Variants in IQSEC3 observed in about 807,000 individuals in gnomAD.
IQSEC3 encodes IQ motif and Sec7 domain ArfGEF 3, also known as IQ motif and SEC7 domain-containing protein 3.
IQSEC3 carries 50 observed loss-of-function variants against 105.4 expected under a neutral mutation model. The observed-to-expected ratio is 0.47, with a 90% CI of 0.38 to 0.60. The LOEUF is 0.60. IQSEC3 is among the 20% of genes least tolerant of loss of function. The pLI, the probability that IQSEC3 is intolerant of heterozygous loss-of-function variation, is 0.00. For synonymous variants in IQSEC3, 708 were observed against 746.0 expected, an observed-to-expected ratio of 0.95 and a Z score of 0.83; for missense variants, 1,415 against 1,630.0, an observed-to-expected ratio of 0.87 and a Z score of 2.27.
intron 2 of IQSEC3, among the ~76,000 whole-genome samples, chr12:115,402 AGGCAT>A (rs1865017549): frequency 6.6e-6 from 1 of 152,194 alleles, no homozygotes; most frequent in African/African-American, 2.4e-5. Context: ...TGAAACACCC[AGGCAT>A]GGCCTCATGC....
intron 5 of IQSEC3, among the ~76,000 whole-genome samples, chr12:145,226 T>C (rs1342657327): frequency 6.6e-6 from 1 of 152,268 alleles, no homozygotes; most frequent in Non-Finnish European, 1.5e-5. Flanking sequence ...GTTTTCAATG[T>C]ACATGAAGTG....
intron 1 of IQSEC3, among the ~76,000 whole-genome samples, chr12:76,932 C>T (rs1332261468): frequency 6.6e-6 from 1 of 152,260 alleles, no homozygotes; most frequent in African/African-American, 2.4e-5. Flanking sequence ...CAGGAATGCA[C>T]GCCCCATCCC....
Position 152,738 on chromosome 12 carries a change from G to A in IQSEC3, c.2154-4287G>A, listed in dbSNP as rs1437485000. Among the ~76,000 whole-genome samples the A allele has an allele frequency of 6.6e-6, 1 of 152,202 alleles. No individual in the cohort carries two copies. The highest frequency in any genetic ancestry group is 2.4e-5 in the African/African-American group (1 of 41,444). On this transcript the variant is annotated intron_variant, in intron 5 of 13. Transcript: ENST00000538872. The surrounding 1 kb of genome is among the most constrained non-coding windows in gnomAD (Gnocchi z 4.8). ...AGGAGTGAAGAGAAGAGAGCCCAGT[G>A]GGGCAGGGAGAGGCCTCACAAGATT...
At chr12:125,578 A>G in intron 2 of IQSEC3, 55 bp from the exon 3 acceptor site, 2 of 1,437,540 alleles carry the variant, frequency 1.4e-6, no homozygotes, top group South Asian at 1.5e-5. Context: ...CCCCACATCC[A>G]CACGCACCCT....
intron 1 of IQSEC3, among the ~76,000 whole-genome samples, chr12:71,562 G>T (rs1555067550): frequency 6.6e-6 from 1 of 152,288 alleles, no homozygotes; most frequent in Admixed American, 6.5e-5. Context: ...TGTCAGAATT[G>T]TAAGAGGCAA....
Position 138,358 on chromosome 12 carries a change from G to A in IQSEC3, c.995G>A (p.Ser332Asn), listed in dbSNP as rs1555087103. 6.2e-7 allele frequency: 1 copy of A among 1,613,446 alleles called. No individual in the cohort carries two copies. Among genetic ancestry groups the A allele is most frequent in the Admixed American group, 1.7e-5 (1 of 60,026 alleles). Residue 332 changes from serine (S) to asparagine (N), a missense_variant, in exon 4 of 14, where the codon AGC becomes AAC. By Grantham distance (46) the Ser-to-Asn change is conservative. Coordinates refer to ENST00000538872, the MANE Select transcript of IQSEC3 (RefSeq NM_001170738.2). This position sits in a 1 kb window ranked among gnomAD's most constrained non-coding sequence, Gnocchi z 7.1. ...IQTAFRQYQL[S>N]KNFEKIRNSL... The stretch of plus-strand genomic sequence containing the variant: ...ACCGCCTTCCGCCAATACCAGCTCA[G>A]CAAGAACTTCGAGAAAATCCGCAAC...
rs782580591 is a variant in IQSEC3 at position 138,422 on chromosome 12, G to T, written c.1059G>T (p.Leu353=). 16 of 1,608,076 alleles carry T rather than the reference G, an allele frequency of 9.9e-6. No individual in the cohort carries two copies. The East Asian group carries it at 3.1e-4, about 31-fold the overall frequency. The change falls in exon 4 of 14, where the codon CTG becomes CTT. Residue 353 remains leucine, a synonymous_variant. Transcript: ENST00000538872. This position sits in a 1 kb window ranked among gnomAD's most constrained non-coding sequence, Gnocchi z 7.1. ...LESRLPRRIS[L]RKVRSPTAES... ...GCCGCCTGCCACGGCGGATCTCCCT[G>T]CGCAAGGTGCGGTCACCCACGGCCG...
intron 7 of IQSEC3, among the ~76,000 whole-genome samples, chr12:158,165 T>C (rs1591739485): frequency 6.6e-6 from 1 of 150,812 alleles, no homozygotes; most frequent in African/African-American, 2.4e-5. Context: ...GTGTGATGTG[T>C]GCGCAATTGT....
chr12:156,907 G>A (rs1555094421), intron 5 of IQSEC3, 118 bp from the exon 6 acceptor site: 4 of 1,266,910 alleles, frequency 3.2e-6, no homozygotes, highest in Non-Finnish European at 4.1e-6. Context: ...GACCCCCGGG[G>A]GTGAGTAGCC....
intron 4 of IQSEC3, chr12:139,961 G>C (rs1159140370): frequency 6.6e-6 from 1 of 152,192 alleles, no homozygotes; most frequent in African/African-American, 2.4e-5. Flanking sequence ...GTCCTGCACC[G>C]AATGTATACA....
rs545289581 is a variant in IQSEC3, at chr12:103,862, C to CGGGGCTCGGGGGGTAGGTGGG, written c.623+4650_623+4651insGGCTCGGGGGGTAGGTGGGGG. Among the ~76,000 whole-genome samples, 2 of 5,536 alleles carry CGGGGCTCGGGGGGTAGGTGGG rather than the reference C, an allele frequency of 3.6e-4. 1 individual carries two copies. Among genetic ancestry groups the CGGGGCTCGGGGGGTAGGTGGG allele is most frequent in the African/African-American group, 3.8e-3 (2 of 528 alleles). 3.6% of individuals were successfully genotyped at this position (5,536 alleles called of 152,430 possible). ...GAGAGGTGGAGTTCATGAGGGGAGG[C>CGGGGCTCGGGGGGTAGGTGGG]GGCTCGGGAGGGGAGGCGGGGGCTC... On this transcript the variant is annotated intron_variant, in intron 2 of 13. Transcript: ENST00000538872.
At chr12:112,513 G>C (rs1251643888) in intron 2 of IQSEC3, among the ~76,000 whole-genome samples, 1 of 152,180 alleles carries the variant, frequency 6.6e-6, no homozygotes, top group Non-Finnish European at 1.5e-5. Flanking sequence ...GGATTTGGAA[G>C]GGAGCCGAGG....
rs540731078 is a variant in IQSEC3 at position 109,413 on chromosome 12, C to A, written c.623+10199C>A. On this transcript the variant is annotated intron_variant, in intron 2 of 13. Transcript: ENST00000538872. ...ATGTAGCCCCCCGGCCTCTCTGCAG[C>A]CTTACTGACGGCTGCCCCTGGTGGA... 4.7e-3 allele frequency among the ~76,000 whole-genome samples: 723 copies of A among 152,308 alleles called. 5 individuals are homozygous for A. Among genetic ancestry groups the A allele is most frequent in the South Asian group, 0.027 (131 of 4,830 alleles).
At chr12:135,542 G>C (rs1865735356) in intron 3 of IQSEC3, among the ~76,000 whole-genome samples, 1 of 152,210 alleles carries the variant, frequency 6.6e-6, no homozygotes, top group Non-Finnish European at 1.5e-5. Context: ...CTTCCCTTGA[G>C]TATGGGCAGG....
At chr12:125,030 C>T (rs782155647) in intron 2 of IQSEC3, among the ~76,000 whole-genome samples, 1 of 152,152 alleles carries the variant, frequency 6.6e-6, no homozygotes. Flanking sequence ...GGCTTATGCC[C>T]AAGCCAGGCC....
chr12:84,024 G>A (rs1452567164), intron 1 of IQSEC3, among the ~76,000 whole-genome samples: 1 of 152,228 alleles, frequency 6.6e-6, no homozygotes, highest in Non-Finnish European at 1.5e-5. Context: ...CACAGCTAAA[G>A]TGACATCTTC....
chr12:174,450 C>T lies in IQSEC3; in HGVS notation c.3115-149C>T, dbSNP rs1939164926. 5.4e-6 allele frequency: 4 copies of T among 743,624 alleles called. No homozygotes were observed. The South Asian group carries it at 8.8e-5, about 16-fold the overall frequency. The allele number at this position is 743,624 out of a possible 1,614,324, so 46.1% of individuals were successfully genotyped here. A position where few individuals can be genotyped will look rare whatever the true frequency, so the allele number is the denominator to read the frequency against. On this transcript the variant is annotated intron_variant, in intron 13 of 13. Coordinates refer to ENST00000538872, the MANE Select transcript of IQSEC3 (RefSeq NM_001170738.2). ...CTGGGCAAAAGCCAGGGTCGCAACCCAGTCTTCTTGTGGGTGGAGAGATGG... is the reference window on the plus strand; with the variant it reads ...CTGGGCAAAAGCCAGGGTCGCAACCTAGTCTTCTTGTGGGTGGAGAGATGG...
intron 1 of IQSEC3, among the ~76,000 whole-genome samples, chr12:96,834 G>A (rs1322261448): frequency 6.6e-6 from 1 of 152,224 alleles, no homozygotes; most frequent in Non-Finnish European, 1.5e-5. Flanking sequence ...TGGCTGAGAA[G>A]GAGGTCCATT....
chr12:157,981 G>C (rs1224672639), intron 7 of IQSEC3, among the ~76,000 whole-genome samples: 2 of 152,232 alleles, frequency 1.3e-5, no homozygotes, highest in East Asian at 3.8e-4. Flanking sequence ...ACCAGAGCTG[G>C]CGGCTCAAGT....
Sources: gnomAD v4.1 joint callset for allele counts (sites outside exome capture counted in the v4.1 genomes callset) on GRCh38, gnomAD v4.1.1 for gene constraint, Gnocchi (gnomAD v3.1) non-coding constraint, MANE v1.5 for transcripts, NCBI Gene and HGNC (gene_info 2026-07-23, HGNC 2026-07-21) for gene names.